PDE4B: variants seen among roughly 807,000 people sequenced by gnomAD.
The protein encoded by PDE4B is phosphodiesterase 4B.
In PDE4B, 20 loss-of-function variants were observed where a neutral mutation model predicts 82.2. That is an observed-to-expected ratio of 0.24 (90% CI 0.17 to 0.35). PDE4B has a LOEUF of 0.35. Among genes scored for constraint, PDE4B ranks in the 10% least tolerant of loss-of-function variants. PDE4B has a pLI of 1.00. For missense variants in PDE4B, 655 were observed against 907.2 expected (o/e 0.72, Z 3.57); for synonymous variants, 320 against 318.9 (o/e 1.00, Z -0.04).
At position 66,373,478 on chromosome 1, in the gene PDE4B, T is replaced by C. The variant is rs553717297; in HGVS notation, c.*800T>C. Reference sequence around the variant, plus strand: ...TGAGAGTCTGCATAGAACTCAGCAGTGTGCCCTGCTGTGTCTTGGACCCTG... The same window carrying C: ...TGAGAGTCTGCATAGAACTCAGCAGCGTGCCCTGCTGTGTCTTGGACCCTG... On this transcript the variant is annotated 3_prime_UTR_variant, in exon 17 of 17. Transcript: ENST00000341517. 6.5e-6 allele frequency: 1 copy of C among 152,768 alleles called. No individual in the cohort carries two copies. The highest frequency in any genetic ancestry group is 2.4e-5 in the African/African-American group (1 of 41,542). The allele number at this position is 152,768 out of a possible 1,614,324, so 9.5% of individuals were successfully genotyped here. A position where few individuals can be genotyped will look rare whatever the true frequency, so the allele number is the denominator to read the frequency against.
At chr1:65,809,612 A>G (rs952463348) in intron 1 of PDE4B, among the ~76,000 whole-genome samples, 2 of 152,192 alleles carry the variant, frequency 1.3e-5, no homozygotes, top group African/African-American at 4.8e-5. Context: ...AATTATCTTA[A>G]GTACATGATA....
intron 3 of PDE4B, among the ~76,000 whole-genome samples, chr1:66,024,437 C>T (rs1263553557): frequency 2.0e-5 from 3 of 152,016 alleles, no homozygotes; most frequent in Non-Finnish European, 2.9e-5. Context: ...CTTGCTACCC[C>T]CAAGGAAGCC....
chr1:66,056,437 C>G (rs905980272), intron 3 of PDE4B, among the ~76,000 whole-genome samples: 2 of 152,022 alleles, frequency 1.3e-5, no homozygotes, highest in African/African-American at 4.8e-5. Flanking sequence ...AAGGCAGCAT[C>G]TAGACATGGA....
chr1:66,143,877 G>T (rs1263880545), intron 3 of PDE4B, among the ~76,000 whole-genome samples: 2 of 152,116 alleles, frequency 1.3e-5, no homozygotes, highest in South Asian at 4.1e-4. Context: ...GATGTCTTGT[G>T]GGCAGATGTC....
intron 8 of PDE4B, among the ~76,000 whole-genome samples, chr1:66,339,886 G>A (rs948929603): frequency 6.7e-6 from 1 of 148,582 alleles, no homozygotes; most frequent in Non-Finnish European, 1.5e-5. Context: ...AGTCTAAAAG[G>A]CTCCTAGGTT....
chr1:66,159,259 T>G (rs78017599), intron 3 of PDE4B, among the ~76,000 whole-genome samples: 8 of 152,140 alleles, frequency 5.3e-5, no homozygotes, highest in African/African-American at 1.9e-4. Context: ...TTTTTTTTTT[T>G]TGAGAAAGAG....
intron 3 of PDE4B, among the ~76,000 whole-genome samples, chr1:66,230,890 A>G (rs1236872413): frequency 2.0e-5 from 3 of 152,122 alleles, no homozygotes; most frequent in Admixed American, 2.0e-4. Context: ...CACTCAAAAT[A>G]CAAAAATTAG....
rs186468911 is a variant in PDE4B, at chr1:66,072,198, G to A, written c.281+153363G>A. ...AATTCTGAAGGTCCATGAATACCATGTAGGCTGCTTAAGAAATAATGAGCA... is the reference window on the plus strand; with the variant it reads ...AATTCTGAAGGTCCATGAATACCATATAGGCTGCTTAAGAAATAATGAGCA... On this transcript the variant is annotated intron_variant, in intron 3 of 16. Coordinates refer to ENST00000341517, the MANE Select transcript of PDE4B (RefSeq NM_002600.4). 6.1e-4 allele frequency among the ~76,000 whole-genome samples: 93 copies of A among 152,244 alleles called. 1 individual carries two copies. The highest frequency in any genetic ancestry group is 2.1e-3 in the African/African-American group (86 of 41,560).
At chr1:66,078,982 A>T (rs1656578141) in intron 3 of PDE4B, among the ~76,000 whole-genome samples, 1 of 152,164 alleles carries the variant, frequency 6.6e-6, no homozygotes, top group African/African-American at 2.4e-5. Context: ...TTTATTCAGG[A>T]AATACATGTA....
At chr1:66,256,562 G>T (rs1654245591) in intron 4 of PDE4B, among the ~76,000 whole-genome samples, 1 of 152,084 alleles carries the variant, frequency 6.6e-6, no homozygotes, top group Non-Finnish European at 1.5e-5. Context: ...TGAAGAAAAA[G>T]GTGGAAATAA....
chr1:66,359,774 A>G (rs1345570120), intron 9 of PDE4B, among the ~76,000 whole-genome samples: 1 of 152,214 alleles, frequency 6.6e-6, no homozygotes, highest in Admixed American at 6.5e-5. Flanking sequence ...AGTAGTAGTT[A>G]TTAGGAGTAA....
At chr1:66,157,794 A>C (rs1170436158) in intron 3 of PDE4B, among the ~76,000 whole-genome samples, 1 of 151,748 alleles carries the variant, frequency 6.6e-6, no homozygotes, top group African/African-American at 2.4e-5. Flanking sequence ...TCCAACAAAT[A>C]GATATTGAAT....
At chr1:66,197,190 T>A (rs888565964) in intron 3 of PDE4B, among the ~76,000 whole-genome samples, 1 of 152,124 alleles carries the variant, frequency 6.6e-6, no homozygotes, top group African/African-American at 2.4e-5. Context: ...GGTGTAGATA[T>A]TTGTGAATCT....
At chr1:65,899,386 G>C (rs1003904752) in intron 1 of PDE4B, among the ~76,000 whole-genome samples, 1 of 151,966 alleles carries the variant, frequency 6.6e-6, no homozygotes, top group Non-Finnish European at 1.5e-5. Context: ...ATGTAAACTA[G>C]TGCAACCACT....
At chr1:65,903,493 C>T (rs1188261026) in intron 1 of PDE4B, among the ~76,000 whole-genome samples, 2 of 151,904 alleles carry the variant, frequency 1.3e-5, no homozygotes, top group Non-Finnish European at 1.5e-5. Flanking sequence ...ATTTGAGAGG[C>T]TGATGTCGGA....
intron 3 of PDE4B, among the ~76,000 whole-genome samples, chr1:66,129,942 T>C (rs1416432978): frequency 6.6e-6 from 1 of 152,212 alleles, no homozygotes; most frequent in East Asian, 1.9e-4. Flanking sequence ...AATAATTTAA[T>C]TACCTTGCTA....
intron 3 of PDE4B, among the ~76,000 whole-genome samples, chr1:66,021,768 TG>T (rs1653133310): frequency 6.6e-6 from 1 of 152,236 alleles, no homozygotes; most frequent in African/African-American, 2.4e-5. Flanking sequence ...TTTGTTCTTT[TG>T]GCTTAGGATT....
rs554825633 is a variant in PDE4B, at chr1:65,885,682, C to T, written c.-70-27563C>T. 2.7e-4 allele frequency among the ~76,000 whole-genome samples: 41 copies of T among 150,470 alleles called. No individual in the cohort carries two copies. In the South Asian group the frequency reaches 6.6e-3, roughly 24 times the overall value. ...ACAATGAGAACACTTGGACACAGGG[C>T]GGGGAACATCACACACTGGGGCCTG... On this transcript the variant is annotated intron_variant, in intron 1 of 16. Coordinates refer to ENST00000341517, the MANE Select transcript of PDE4B (RefSeq NM_002600.4).
chr1:66,218,784 T>C lies in PDE4B; in HGVS notation c.282-28676T>C, dbSNP rs77965307. Among the ~76,000 whole-genome samples, 425 of 152,304 alleles carry C rather than the reference T, an allele frequency of 2.8e-3. 1 individual carries two copies. The highest frequency in any genetic ancestry group is 9.5e-3 in the African/African-American group (395 of 41,566). On this transcript the variant is annotated intron_variant, in intron 3 of 16. Coordinates refer to ENST00000341517, the MANE Select transcript of PDE4B (RefSeq NM_002600.4). ...ATGATATTTATTCATTTTAGCACTC[T>C]TAACACTTATTACAAGGCCTAGCAT... is the stretch of plus-strand genomic sequence containing the variant.
Sources: allele counts gnomAD v4.1 joint callset (sites outside exome capture counted in the v4.1 genomes callset), GRCh38; gene constraint gnomAD v4.1.1; transcripts MANE v1.5; gene names NCBI Gene and HGNC (gene_info 2026-07-23, HGNC 2026-07-21).